The following TPST1 variants were observed in gnomAD, a reference collection of about 807,000 sequenced individuals.
TPST1 encodes tyrosylprotein sulfotransferase 1.
A neutral mutation model predicts 34.8 loss-of-function variants in TPST1; 20 were observed. That is an observed-to-expected ratio of 0.57 (90% CI 0.40 to 0.84). The LOEUF (loss-of-function observed/expected upper bound fraction) is 0.84. Among genes scored for constraint, TPST1 ranks in the 40% least tolerant of loss-of-function variants. The probability of loss-of-function intolerance (pLI) is 0.00; values close to 1 mark genes in which losing one functional copy is unlikely to be tolerated. For synonymous variants in TPST1, 152 were observed against 159.4 expected (o/e 0.95, Z 0.35); for missense variants, 353 against 455.5 (o/e 0.78, Z 2.05).
At chr7:66,296,264 A>AC (rs1791195739) in intron 3 of TPST1, among the ~76,000 whole-genome samples, 1 of 20,622 alleles carries the variant, frequency 4.8e-5, no homozygotes, top group Non-Finnish European at 1.0e-4. Context: ...CCCCTCCCCC[A>AC]CCGTCTCTGC....
At chr7:66,226,765 T>C (rs1228598091) in intron 1 of TPST1, among the ~76,000 whole-genome samples, 1 of 152,198 alleles carries the variant, frequency 6.6e-6, no homozygotes, top group Non-Finnish European at 1.5e-5. Flanking sequence ...ACAAGTATGC[T>C]TGAATATATG....
At chr7:66,333,294 A>G (rs910047485) in intron 3 of TPST1, among the ~76,000 whole-genome samples, 1 of 152,208 alleles carries the variant, frequency 6.6e-6, no homozygotes, top group Non-Finnish European at 1.5e-5. Flanking sequence ...AGCCTCTTGT[A>G]TGGAAACATA....
intron 3 of TPST1, among the ~76,000 whole-genome samples, chr7:66,294,553 G>T (rs1791152776): frequency 6.6e-6 from 1 of 151,310 alleles, no homozygotes. Flanking sequence ...CATCACATAT[G>T]AGGGCAAATT....
intron 2 of TPST1, among the ~76,000 whole-genome samples, chr7:66,248,791 GCGTGAGCCAC>G (rs1790205190): frequency 6.6e-6 from 1 of 152,172 alleles, no homozygotes; most frequent in South Asian, 2.1e-4. Context: ...GGGATTATAG[GCGTGAGCCAC>G]CGTGCCTGGC....
chr7:66,249,264 A>G (rs994083285), intron 2 of TPST1, among the ~76,000 whole-genome samples: 5 of 152,066 alleles, frequency 3.3e-5, no homozygotes, highest in Non-Finnish European at 7.4e-5. Flanking sequence ...TATTTTGCCA[A>G]GATGAAGTGT....
chr7:66,236,795 A>G (rs1285952179), intron 1 of TPST1, among the ~76,000 whole-genome samples: 1 of 152,210 alleles, frequency 6.6e-6, no homozygotes, highest in Non-Finnish European at 1.5e-5. Context: ...TTTTTTAAAA[A>G]CAAGTGTGCA....
chr7:66,306,078 A>G (rs1177629261), intron 3 of TPST1, among the ~76,000 whole-genome samples: 1 of 152,180 alleles, frequency 6.6e-6, no homozygotes, highest in African/African-American at 2.4e-5. Flanking sequence ...AGGCGATGGG[A>G]GATATGTGAT....
Position 66,240,329 on chromosome 7 carries a change from T to G in TPST1, c.-97T>G. ...ACCTTTTCCTTTCTCTACTAGATGT[T>G]GGTTATCTTTCTGAAGTAGACTGTC... On this transcript the variant is annotated 5_prime_UTR_variant, in exon 2 of 6. Transcript: ENST00000304842. 7.1e-7 allele frequency: 1 copy of G among 1,409,786 alleles called. No homozygotes were observed. The allele number at this position is 1,409,786 out of a possible 1,614,324, so 87.3% of individuals were successfully genotyped here. A position where few individuals can be genotyped will look rare whatever the true frequency, so the allele number is the denominator to read the frequency against.
intron 3 of TPST1, among the ~76,000 whole-genome samples, chr7:66,350,438 T>G (rs1489896524): frequency 6.6e-6 from 1 of 152,164 alleles, no homozygotes; most frequent in Non-Finnish European, 1.5e-5. Context: ...CTGCACCCTG[T>G]TCACTTTCCA....
At chr7:66,314,333 A>G (rs1791591773) in intron 3 of TPST1, among the ~76,000 whole-genome samples, 1 of 152,134 alleles carries the variant, frequency 6.6e-6, no homozygotes, top group Non-Finnish European at 1.5e-5. Flanking sequence ...CCAGGAACTC[A>G]AGACCAGCCT....
At chr7:66,206,688 T>C (rs888507023) in intron 1 of TPST1, among the ~76,000 whole-genome samples, 8 of 152,274 alleles carry the variant, frequency 5.3e-5, no homozygotes, top group African/African-American at 1.9e-4. Flanking sequence ...TTGGGTAACT[T>C]TCTTTTTAGG....
intron 3 of TPST1, among the ~76,000 whole-genome samples, chr7:66,324,165 T>G (rs756634223): frequency 1.3e-5 from 2 of 152,190 alleles, no homozygotes; most frequent in African/African-American, 4.8e-5. Context: ...AGGACAAATG[T>G]TGTATAATTT....
chr7:66,280,884 A>G (rs925224079), intron 2 of TPST1, among the ~76,000 whole-genome samples: 1 of 152,242 alleles, frequency 6.6e-6, no homozygotes, highest in Non-Finnish European at 1.5e-5. Context: ...ATTGTTTAAT[A>G]TAATTCTTAC....
intron 3 of TPST1, among the ~76,000 whole-genome samples, chr7:66,313,690 C>A (rs1791577581): frequency 6.6e-6 from 1 of 152,000 alleles, no homozygotes; most frequent in Non-Finnish European, 1.5e-5. Context: ...GGTGCTTTTT[C>A]TTTTTCTTTT....
intron 1 of TPST1, among the ~76,000 whole-genome samples, chr7:66,227,434 G>T (rs1439758768): frequency 6.6e-6 from 1 of 151,992 alleles, no homozygotes; most frequent in African/African-American, 2.4e-5. Flanking sequence ...AATTTAGTTA[G>T]TTTTTAGAGC....
chr7:66,235,317 A>G (rs918708498), intron 1 of TPST1, among the ~76,000 whole-genome samples: 1 of 151,854 alleles, frequency 6.6e-6, no homozygotes, highest in African/African-American at 2.4e-5. Context: ...AGACATTTTA[A>G]TGCTATATTG....
intron 1 of TPST1, among the ~76,000 whole-genome samples, chr7:66,209,272 A>G (rs1789196330): frequency 6.6e-6 from 1 of 152,196 alleles, no homozygotes; most frequent in Non-Finnish European, 1.5e-5. Flanking sequence ...TTAAAGAAAA[A>G]AGAAAAATGT....
chr7:66,241,039 T>C lies in TPST1; in HGVS notation c.614T>C (p.Leu205Pro). ...AAAGTTACTATAGCTGGATTTGATCTGAACAGCTATAGGGACTGTTTGACA... is the reference window on the plus strand; with the variant it reads ...AAAGTTACTATAGCTGGATTTGATCCGAACAGCTATAGGGACTGTTTGACA... ...SRKVTIAGFD[L>P]NSYRDCLTKW... is the part of the protein sequence containing the mutation. Residue 205 changes from leucine (L) to proline (P), a missense_variant, in exon 2 of 6, where the codon CTG becomes CCG. By Grantham distance (98) the Leu-to-Pro change is moderately conservative. Coordinates refer to ENST00000304842, the MANE Select transcript of TPST1 (RefSeq NM_003596.4). The C allele has an allele frequency of 1.9e-6, 3 of 1,614,258 alleles. No individual in the cohort carries two copies. Among genetic ancestry groups the C allele is most frequent in the Non-Finnish European group, 8.5e-7 (1 of 1,180,042 alleles).
chr7:66,213,538 G>A (rs1174320108), intron 1 of TPST1, among the ~76,000 whole-genome samples: 2 of 152,072 alleles, frequency 1.3e-5, no homozygotes, highest in African/African-American at 2.4e-5. Flanking sequence ...GGCAGATCAC[G>A]AGGTCGGGAG....
Sources: allele counts gnomAD v4.1 joint callset (sites outside exome capture counted in the v4.1 genomes callset), GRCh38; gene constraint gnomAD v4.1.1; transcripts MANE v1.5; gene names NCBI Gene and HGNC (gene_info 2026-07-23, HGNC 2026-07-21).